ABCA12: variants seen among roughly 807,000 people sequenced by gnomAD.
ABCA12 encodes glucosylceramide transporter ABCA12.
ABCA12 carries 156 observed loss-of-function variants against 293.5 expected under a neutral mutation model. That is an observed-to-expected ratio of 0.53 (90% CI 0.47 to 0.61). The LOEUF is 0.61. ABCA12 is among the 20% of genes least tolerant of loss of function. ABCA12 has a pLI of 0.00. For synonymous variants in ABCA12, 1,063 were observed against 1,108.0 expected, an observed-to-expected ratio of 0.96 and a Z score of 0.81; for missense variants, 2,797 against 3,090.2, an observed-to-expected ratio of 0.91 and a Z score of 2.25.
intron 8 of ABCA12, among the ~76,000 whole-genome samples, chr2:215,033,870 G>A (rs570425478): frequency 2.0e-5 from 3 of 152,012 alleles, no homozygotes; most frequent in African/African-American, 7.2e-5. Flanking sequence ...GAACCCGGGA[G>A]GTGGAGCTTG....
At chr2:215,112,331 T>C (rs904875479) in intron 1 of ABCA12, among the ~76,000 whole-genome samples, 1 of 142,970 alleles carries the variant, frequency 7.0e-6, no homozygotes, top group Non-Finnish European at 1.5e-5. Context: ...TTATAGTCAA[T>C]GATTTTTTTT....
chr2:215,080,164 A>C (rs1701909840), intron 2 of ABCA12, among the ~76,000 whole-genome samples: 2 of 152,172 alleles, frequency 1.3e-5, no homozygotes, highest in Admixed American at 1.3e-4. Context: ...ACTTTAATGT[A>C]GTTACTTAAA....
chr2:215,129,999 T>C (rs895882073), intron 1 of ABCA12, among the ~76,000 whole-genome samples: 3 of 152,140 alleles, frequency 2.0e-5, no homozygotes, highest in African/African-American at 7.2e-5. Context: ...TTCTGCATTG[T>C]TATTTTTGTT....
chr2:215,052,388 A>T, intron 5 of ABCA12, 99 bp downstream of exon 5: 1 of 990,658 alleles, frequency 1.0e-6, no homozygotes, highest in Non-Finnish European at 1.6e-6. Context: ...CCTAAATAGG[A>T]AAGGTGCTCC....
intron 1 of ABCA12, 138 bp downstream of exon 1, chr2:215,138,002 T>C (rs1285424919): frequency 2.2e-6 from 2 of 897,344 alleles, no homozygotes; most frequent in Non-Finnish European, 3.8e-6. Context: ...GATAGGGGGA[T>C]GAATTCTAAA....
At chr2:215,018,272 G>T in intron 13 of ABCA12, 140 bp from the exon 14 acceptor site, 2 of 1,003,332 alleles carry the variant, frequency 2.0e-6, no homozygotes, top group Non-Finnish European at 2.9e-6. Flanking sequence ...TTTGGCAAAC[G>T]TTGCATATTT....
At chr2:215,084,116 T>G (rs1036259698) in intron 2 of ABCA12, among the ~76,000 whole-genome samples, 7 of 152,148 alleles carry the variant, frequency 4.6e-5, no homozygotes, top group Non-Finnish European at 1.0e-4. Flanking sequence ...TACCTGGGAC[T>G]ACAGACACGT....
In ABCA12 at chr2:214,948,953, C is replaced by T. The variant is rs1227504782; in HGVS notation, c.6962+87G>A. 4 of 1,317,934 alleles carry T rather than the reference C, an allele frequency of 3.0e-6. No homozygotes were observed. In the African/African-American group the frequency reaches 5.9e-5, roughly 19 times the overall value. 81.6% of individuals were successfully genotyped at this position (1,317,934 alleles called of 1,614,324 possible). On this transcript the variant is annotated intron_variant, in intron 46 of 52. Transcript: ENST00000272895. ...TCCCCTAAGGACTGAATAATATAAC[C>T]ACAAAATAACATTAAATGTTCATTT...
In ABCA12 at chr2:214,950,940, T is replaced by C; in HGVS notation, c.6791A>G (p.Gln2264Arg). 1 of 1,614,186 alleles carries C rather than the reference T, an allele frequency of 6.2e-7. No individual in the cohort carries two copies. Among genetic ancestry groups the C allele is most frequent in the Admixed American group, 1.7e-5 (1 of 60,024 alleles). Residue 2264 changes from glutamine (Q) to arginine (R), a missense_variant, in exon 45 of 53, where the codon CAA (glutamine) becomes CGA (arginine). Physicochemically the swap from Gln to Arg is conservative, Grantham distance 43. Coordinates refer to ENST00000272895, the MANE Select transcript of ABCA12 (RefSeq NM_173076.3). ...AGCTATAATCTTTTTGTGGATAAGT[T>C]GGTAGGTCTTTGTGAGACAATAAAG... ...VQLYCLTKTY[Q>R]LIHKKIIAVN...
chr2:214,989,884 T>A (rs1699877099), intron 24 of ABCA12, among the ~76,000 whole-genome samples: 1 of 152,150 alleles, frequency 6.6e-6, no homozygotes, highest in South Asian at 2.1e-4. Context: ...TTTGAACTCA[T>A]TAAATGTTGC....
chr2:214,950,414 GTGTGTGTATA>G (rs1698726338), intron 45 of ABCA12, among the ~76,000 whole-genome samples: 1 of 123,834 alleles, frequency 8.1e-6, no homozygotes, highest in South Asian at 2.8e-4. Context: ...GTGTGTGTGT[GTGTGTGTATA>G]TATATGCATG....
intron 1 of ABCA12, among the ~76,000 whole-genome samples, chr2:215,134,398 G>A (rs923229171): frequency 3.5e-5 from 5 of 143,174 alleles, no homozygotes; most frequent in African/African-American, 1.0e-4. Context: ...ATATGTATAT[G>A]TGTATATATG....
intron 1 of ABCA12, among the ~76,000 whole-genome samples, chr2:215,136,151 C>A (rs1467185709): frequency 2.6e-5 from 4 of 152,116 alleles, no homozygotes; most frequent in Non-Finnish European, 4.4e-5. Flanking sequence ...ATTCCCTGTC[C>A]CAAAATGAAC....
intron 28 of ABCA12, among the ~76,000 whole-genome samples, chr2:214,985,131 A>G (rs780772061): frequency 3.9e-5 from 6 of 152,206 alleles, no homozygotes; most frequent in Non-Finnish European, 8.8e-5. Flanking sequence ...AATACAAATA[A>G]CATACTTTAT....
At position 215,134,548 on chromosome 2, in the gene ABCA12, G is replaced by GTATATATACGCA. The variant is rs372494333; in HGVS notation, c.69+3591_69+3592insTGCGTATATATA. 1.6e-3 allele frequency among the ~76,000 whole-genome samples: 179 copies of GTATATATACGCA among 111,704 alleles called. 2 individuals are homozygous for GTATATATACGCA. The highest frequency in any genetic ancestry group is 5.7e-3 in the Middle Eastern group (1 of 176). The allele number at this position is 111,704 out of a possible 152,430, so 73.3% of individuals were successfully genotyped here. On this transcript the variant is annotated intron_variant, in intron 1 of 52. Coordinates refer to ENST00000272895, the MANE Select transcript of ABCA12 (RefSeq NM_173076.3). ...TATACGTATATATGTACATATATACGTATATGTATATATGTGTGTATATAT... is the reference window on the plus strand; with the variant it reads ...TATACGTATATATGTACATATATACGTATATATACGCATATATGTATATATGTGTGTATATAT...
chr2:215,049,343 A>ATTT (rs1701270487), intron 6 of ABCA12, among the ~76,000 whole-genome samples: 1 of 152,220 alleles, frequency 6.6e-6, no homozygotes, highest in South Asian at 2.1e-4. Context: ...AGAGAAAACT[A>ATTT]TCAAACTTCA....
rs377475780 is a variant in ABCA12, at chr2:214,948,740, G to A, written c.6963-3C>T. On this transcript the variant is annotated splice_polypyrimidine_tract_variant and splice_region_variant and intron_variant, in intron 46 of 52. Coordinates refer to ENST00000272895, the MANE Select transcript of ABCA12 (RefSeq NM_173076.3). ...GAGAATCAACGTGACCCAGAGATCT[G>A]AATTGAGAGAATCAAAAACACAGAT... 2 of 1,613,820 alleles carry A rather than the reference G, an allele frequency of 1.2e-6. No homozygotes were observed. The highest frequency in any genetic ancestry group is 8.5e-7 in the Non-Finnish European group (1 of 1,179,940).
At chr2:215,028,085 A>C (rs1700788570) in intron 9 of ABCA12, among the ~76,000 whole-genome samples, 1 of 152,222 alleles carries the variant, frequency 6.6e-6, no homozygotes, top group Non-Finnish European at 1.5e-5. Flanking sequence ...TAAAGATAGA[A>C]TAAATGTCAA....
rs540697552 is a variant in ABCA12, at chr2:214,995,291, G to A, written c.3294+2404C>T. 3.3e-5 allele frequency among the ~76,000 whole-genome samples: 5 copies of A among 152,152 alleles called. No individual in the cohort carries two copies. In the South Asian group the frequency reaches 1.0e-3, roughly 32 times the overall value. ...GAATATTGATTTTACTTACCTTTTTGGTTTAATTTGAATGAGAAAGAAGTA... is the reference window on the plus strand; with the variant it reads ...GAATATTGATTTTACTTACCTTTTTAGTTTAATTTGAATGAGAAAGAAGTA... On this transcript the variant is annotated intron_variant, in intron 23 of 52. Transcript: ENST00000272895.
Sources: allele counts gnomAD v4.1 joint callset (sites outside exome capture counted in the v4.1 genomes callset), GRCh38; gene constraint gnomAD v4.1.1; transcripts MANE v1.5; gene names NCBI Gene and HGNC (gene_info 2026-07-23, HGNC 2026-07-21).